The following PARD3 variants were observed in gnomAD, a reference collection of about 807,000 sequenced individuals.
The protein encoded by PARD3 is partitioning defective 3 homolog.
A neutral mutation model predicts 155.4 loss-of-function variants in PARD3; 75 were observed. The observed-to-expected ratio is 0.48, with a 90% CI of 0.40 to 0.58. The LOEUF is 0.58. Ranked by LOEUF, PARD3 falls within the 20% of genes least tolerant of loss-of-function variation. The probability of loss-of-function intolerance (pLI) is 0.00; values close to 1 mark genes in which losing one functional copy is unlikely to be tolerated. For synonymous variants in PARD3, 576 were observed against 610.5 expected (o/e 0.94, Z 0.83); for missense variants, 1,642 against 1,721.7 (o/e 0.95, Z 0.82).
intron 24 of PARD3, among the ~76,000 whole-genome samples, chr10:34,113,514 CACACACACATAG>C (rs1372699098): frequency 6.6e-6 from 1 of 150,736 alleles, no homozygotes; most frequent in East Asian, 1.9e-4. Flanking sequence ...CACACACACA[CACACACACATAG>C]ACACACACAC....
intron 2 of PARD3, among the ~76,000 whole-genome samples, chr10:34,562,676 C>G (rs1016758727): frequency 6.6e-6 from 1 of 151,994 alleles, no homozygotes; most frequent in Admixed American, 6.6e-5. Flanking sequence ...TAGTGTCAAC[C>G]AAATGATACA....
intron 2 of PARD3, among the ~76,000 whole-genome samples, chr10:34,536,602 C>A (rs778094280): frequency 1.3e-5 from 2 of 152,214 alleles, no homozygotes; most frequent in Admixed American, 6.5e-5. Flanking sequence ...ATCATTATTT[C>A]CCAAAAACCA....
At chr10:34,618,833 A>C (rs1000814015) in intron 2 of PARD3, among the ~76,000 whole-genome samples, 7 of 151,988 alleles carry the variant, frequency 4.6e-5, no homozygotes, top group African/African-American at 1.7e-4. Flanking sequence ...CTCTCTCCTC[A>C]GTTACACAGG....
Position 34,577,912 on chromosome 10 carries a change from C to T in PARD3, c.223-60753G>A, listed in dbSNP as rs1052451561. ...TGTCAACCAAGCTGGAGGGCAGGGG[C>T]ACAATCAGAGCTCGCTGCAGCTTCA... On this transcript the variant is annotated intron_variant, in intron 2 of 24. Coordinates refer to ENST00000374788, the MANE Select transcript of PARD3 (RefSeq NM_001184785.2). 2.0e-5 allele frequency among the ~76,000 whole-genome samples: 3 copies of T among 151,530 alleles called. No homozygotes were observed. In the South Asian group the frequency reaches 6.3e-4, roughly 32 times the overall value.
chr10:34,577,313 T>C (rs1032838722), intron 2 of PARD3, among the ~76,000 whole-genome samples: 11 of 152,218 alleles, frequency 7.2e-5, no homozygotes, highest in African/African-American at 2.2e-4. Flanking sequence ...GTGTGTTTTC[T>C]GAAATTGCTT....
intron 7 of PARD3, among the ~76,000 whole-genome samples, chr10:34,395,192 G>A (rs543978938): frequency 4.2e-4 from 64 of 152,164 alleles, no homozygotes; most frequent in African/African-American, 1.0e-3. Flanking sequence ...CTGCCACAAT[G>A]CCCAGCTAAT....
intron 22 of PARD3, among the ~76,000 whole-genome samples, chr10:34,194,231 G>T (rs543358486): frequency 6.6e-6 from 1 of 152,332 alleles, no homozygotes; most frequent in African/African-American, 2.4e-5. Flanking sequence ...CATTCTTCTA[G>T]TTGTAAAATA....
At chr10:34,626,124 C>T (rs751146735) in intron 2 of PARD3, among the ~76,000 whole-genome samples, 2 of 152,258 alleles carry the variant, frequency 1.3e-5, no homozygotes, top group African/African-American at 2.4e-5. Flanking sequence ...CATAAAAGAC[C>T]ACTCCCTCTT....
Position 34,399,376 on chromosome 10 carries a change from C to A in PARD3, c.844G>T (p.Gly282Trp). The change falls in exon 7 of 25, where the codon GGG (glycine) becomes TGG (tryptophan). Residue 282 changes from glycine (G) to tryptophan (W), a missense_variant. Gly to Trp is a radical substitution (Grantham distance 184). Transcript: ENST00000374788. ...VKLVEVPNDG[G>W]PLGIHVVPFS... Reference sequence around the variant, plus strand: ...GGCACTACGTGGATTCCCAGAGGCCCTCCATCGTTGGGGACTTCTACGAGC... The same window carrying A: ...GGCACTACGTGGATTCCCAGAGGCCATCCATCGTTGGGGACTTCTACGAGC... The A allele has an allele frequency of 1.2e-6, 2 of 1,612,192 alleles. No individual in the cohort carries two copies. Among genetic ancestry groups the A allele is most frequent in the Non-Finnish European group, 1.7e-6 (2 of 1,178,296 alleles).
At chr10:34,411,808 T>G (rs1177523212) in intron 5 of PARD3, among the ~76,000 whole-genome samples, 1 of 152,100 alleles carries the variant, frequency 6.6e-6, no homozygotes, top group African/African-American at 2.4e-5. Context: ...CAGTTCTGTT[T>G]CTCTGAAAAA....
intron 21 of PARD3, among the ~76,000 whole-genome samples, chr10:34,275,872 T>C (rs187433617): frequency 1.3e-5 from 2 of 152,272 alleles, no homozygotes; most frequent in Admixed American, 1.3e-4. Context: ...ATCTCCAAGA[T>C]GTAAGAGTCA....
chr10:34,256,583 GAA>G (rs1467332850), intron 22 of PARD3, among the ~76,000 whole-genome samples: 1 of 152,148 alleles, frequency 6.6e-6, no homozygotes, highest in East Asian at 1.9e-4. Context: ...TCACCAAAAG[GAA>G]TCACCTTGGA....
intron 22 of PARD3, among the ~76,000 whole-genome samples, chr10:34,252,319 A>T (rs903250344): frequency 1.3e-5 from 2 of 151,596 alleles, no homozygotes; most frequent in African/African-American, 2.4e-5. Context: ...CCTCTGACTC[A>T]CTCCCTCCTA....
chr10:34,133,622 G>C (rs1366343871), intron 22 of PARD3, among the ~76,000 whole-genome samples: 1 of 152,172 alleles, frequency 6.6e-6, no homozygotes, highest in Admixed American at 6.5e-5. Flanking sequence ...GGTTCTGCTG[G>C]CTGCACCCCT....
intron 2 of PARD3, among the ~76,000 whole-genome samples, chr10:34,670,939 A>T (rs976821575): frequency 6.6e-6 from 1 of 152,198 alleles, no homozygotes; most frequent in Non-Finnish European, 1.5e-5. Context: ...TTTACAACTG[A>T]TTACTTCAGC....
intron 1 of PARD3, among the ~76,000 whole-genome samples, chr10:34,794,646 A>G (rs1842054670): frequency 6.6e-6 from 1 of 152,216 alleles, no homozygotes; most frequent in Non-Finnish European, 1.5e-5. Flanking sequence ...TGAACCTCTT[A>G]GAAGATGCCA....
chr10:34,783,043 T>C (rs1209121955), intron 1 of PARD3, among the ~76,000 whole-genome samples: 2 of 152,176 alleles, frequency 1.3e-5, no homozygotes, highest in East Asian at 3.9e-4. Context: ...AAATCTTATG[T>C]ACTTTAAAAC....
chr10:34,422,637 A>G (rs1303465530), intron 5 of PARD3, among the ~76,000 whole-genome samples: 1 of 152,198 alleles, frequency 6.6e-6, no homozygotes, highest in East Asian at 1.9e-4. Flanking sequence ...CTGAATAGAC[A>G]TTTCTCAAAA....
chr10:34,536,878 C>G lies in PARD3; in HGVS notation c.223-19719G>C, dbSNP rs4934640. Among the ~76,000 whole-genome samples, 1,380 of 152,088 alleles carry G rather than the reference C, an allele frequency of 9.1e-3. 13 individuals are homozygous for G. Among genetic ancestry groups the G allele is most frequent in the African/African-American group, 0.025 (1,049 of 41,476 alleles). ...AACATTAAATTTTTGATATTCATGACCAAAAGACTGAAAGAAAAAGTGATG... is the reference window on the plus strand; with the variant it reads ...AACATTAAATTTTTGATATTCATGAGCAAAAGACTGAAAGAAAAAGTGATG... On this transcript the variant is annotated intron_variant, in intron 2 of 24. Coordinates refer to ENST00000374788, the MANE Select transcript of PARD3 (RefSeq NM_001184785.2).
Sources: gnomAD v4.1 joint callset for allele counts (sites outside exome capture counted in the v4.1 genomes callset) on GRCh38, gnomAD v4.1.1 for gene constraint, MANE v1.5 for transcripts, NCBI Gene and HGNC (gene_info 2026-07-23, HGNC 2026-07-21) for gene names.